Variants in ULK4 observed in about 807,000 individuals in gnomAD.
ULK4 encodes the protein unc-51 like kinase 4, also known as inactive serine/threonine-protein kinase ULK4.
In ULK4, 133 loss-of-function variants were observed where a neutral mutation model predicts 160.6. The observed-to-expected ratio is 0.83, with a 90% CI of 0.72 to 0.96. The LOEUF is 0.96. Among genes scored for constraint, ULK4 ranks in the 40% least tolerant of loss-of-function variants. The pLI is 0.00. For synonymous variants in ULK4, 534 were observed against 539.8 expected, an observed-to-expected ratio of 0.99 and a Z score of 0.15; for missense variants, 1,580 against 1,499.5, an observed-to-expected ratio of 1.05 and a Z score of -0.89.
intron 22 of ULK4, among the ~76,000 whole-genome samples, chr3:41,734,180 G>C (rs1343267650): frequency 6.6e-6 from 1 of 152,180 alleles, no homozygotes; most frequent in African/African-American, 2.4e-5. Flanking sequence ...GGTTGGGGCA[G>C]TCTAGACGGA....
chr3:41,854,687 G>A (rs941336593), intron 17 of ULK4, among the ~76,000 whole-genome samples: 4 of 152,058 alleles, frequency 2.6e-5, no homozygotes, highest in Non-Finnish European at 4.4e-5. Flanking sequence ...CTGCTTCATA[G>A]ACCTAGAGCT....
At chr3:41,463,735 C>G (rs2083752641) in intron 32 of ULK4, among the ~76,000 whole-genome samples, 1 of 152,138 alleles carries the variant, frequency 6.6e-6, no homozygotes, top group Admixed American at 6.6e-5. Context: ...TTAGAAATTA[C>G]CAGGTGCCAT....
At chr3:41,741,906 C>T (rs578234475) in intron 22 of ULK4, among the ~76,000 whole-genome samples, 33 of 151,906 alleles carry the variant, frequency 2.2e-4, no homozygotes, top group African/African-American at 8.0e-4. Flanking sequence ...CCTTCTTTAT[C>T]GCCTCTCATG....
At chr3:41,751,934 AG>A (rs939260465) in intron 22 of ULK4, among the ~76,000 whole-genome samples, 1 of 152,182 alleles carries the variant, frequency 6.6e-6, no homozygotes, top group African/African-American at 2.4e-5. Context: ...GCTCAAATGG[AG>A]TGTGCCCAAA....
intron 30 of ULK4, among the ~76,000 whole-genome samples, chr3:41,630,375 G>A (rs74735748): frequency 0.042 from 6,324 of 152,202 alleles, 287 homozygotes; most frequent in African/African-American, 0.11. Flanking sequence ...GCTGCTGCCA[G>A]CTAGGGATCT....
At position 41,726,425 on chromosome 3, in the gene ULK4, T is replaced by G. The variant is rs988618887; in HGVS notation, c.2322-8564A>C. On this transcript the variant is annotated intron_variant, in intron 22 of 36. Transcript: ENST00000301831. ...ACATTATTTTCTAAAAGAATTCACA[T>G]CTATAAAGGAGACAAAATGTGGAAA... 2.6e-5 allele frequency among the ~76,000 whole-genome samples: 4 copies of G among 152,172 alleles called. No individual in the cohort carries two copies. The East Asian group carries it at 7.7e-4, about 29-fold the overall frequency.
Position 41,705,521 on chromosome 3 carries a change from C to T in ULK4, c.2635-216G>A, listed in dbSNP as rs139555497. The stretch of plus-strand genomic sequence containing the variant: ...TAATCTCTTTTTTTTTTTGAGACAG[C>T]GTTTTGTTCTTGTTGCCCAGGCTGG... On this transcript the variant is annotated intron_variant, in intron 25 of 36. Coordinates refer to ENST00000301831, the MANE Select transcript of ULK4 (RefSeq NM_017886.4). Among the ~76,000 whole-genome samples the T allele has an allele frequency of 6.0e-4, 90 of 150,354 alleles. 1 individual carries two copies. The East Asian group carries it at 0.015, about 26-fold the overall frequency.
intron 27 of ULK4, among the ~76,000 whole-genome samples, chr3:41,684,753 T>C (rs1334442516): frequency 3.3e-5 from 5 of 152,232 alleles, no homozygotes; most frequent in African/African-American, 1.2e-4. Flanking sequence ...TATAAAAACC[T>C]GAAAAATTAC....
chr3:41,504,511 T>C (rs2085314698), intron 32 of ULK4, among the ~76,000 whole-genome samples: 1 of 152,224 alleles, frequency 6.6e-6, no homozygotes. Context: ...ATTTTGAATT[T>C]CATTTTCCAT....
intron 32 of ULK4, among the ~76,000 whole-genome samples, chr3:41,504,371 T>G (rs944923757): frequency 5.3e-5 from 8 of 152,188 alleles, no homozygotes; most frequent in Admixed American, 1.3e-4. Flanking sequence ...GAATAGCAGC[T>G]GAAATTAGTT....
intron 21 of ULK4, among the ~76,000 whole-genome samples, chr3:41,760,288 T>G (rs2038944142): frequency 6.6e-6 from 1 of 152,184 alleles, no homozygotes; most frequent in Non-Finnish European, 1.5e-5. Context: ...GTAGAGCAAC[T>G]GAAGTTTTTC....
At chr3:41,301,564 C>A (rs1045195552) in intron 35 of ULK4, among the ~76,000 whole-genome samples, 1 of 152,188 alleles carries the variant, frequency 6.6e-6, no homozygotes, top group Non-Finnish European at 1.5e-5. Context: ...TCATTATTTT[C>A]TACAGAGACA....
At chr3:41,768,773 T>G (rs1236220374) in intron 21 of ULK4, among the ~76,000 whole-genome samples, 1 of 152,096 alleles carries the variant, frequency 6.6e-6, no homozygotes, top group African/African-American at 2.4e-5. Flanking sequence ...AAAATATAAC[T>G]TAAGTATATA....
intron 2 of ULK4, among the ~76,000 whole-genome samples, chr3:41,944,105 C>T (rs1046383688): frequency 6.6e-6 from 1 of 152,156 alleles, no homozygotes; most frequent in Non-Finnish European, 1.5e-5. Flanking sequence ...TTCAACGTAA[C>T]CCCGTGGCAC....
At chr3:41,327,201 C>G (rs184771956) in intron 35 of ULK4, among the ~76,000 whole-genome samples, 26 of 152,240 alleles carry the variant, frequency 1.7e-4, no homozygotes, top group Admixed American at 1.2e-3. Flanking sequence ...GATCTAGAAC[C>G]TTCTCCATTT....
chr3:41,635,719 A>G (rs2033926390), intron 30 of ULK4, among the ~76,000 whole-genome samples: 1 of 152,210 alleles, frequency 6.6e-6, no homozygotes, highest in African/African-American at 2.4e-5. Context: ...AGAGGAAGAC[A>G]CTGAGCCATA....
rs1363668736 is a variant in ULK4, at chr3:41,486,956, A to G, written c.3227-23703T>C. On this transcript the variant is annotated intron_variant, in intron 32 of 36. Coordinates refer to ENST00000301831, the MANE Select transcript of ULK4 (RefSeq NM_017886.4). ...CAATAAAGAAAGGAAATAAGCTGACAATACCCGAAACAAATCGTTAAAATT... is the reference window on the plus strand; with the variant it reads ...CAATAAAGAAAGGAAATAAGCTGACGATACCCGAAACAAATCGTTAAAATT... 4.6e-5 allele frequency among the ~76,000 whole-genome samples: 7 copies of G among 152,336 alleles called. No homozygotes were observed. In the East Asian group the frequency reaches 9.6e-4, roughly 21 times the overall value.
At chr3:41,732,269 T>A (rs1193410061) in intron 22 of ULK4, among the ~76,000 whole-genome samples, 3 of 151,374 alleles carry the variant, frequency 2.0e-5, no homozygotes, top group East Asian at 3.9e-4. Flanking sequence ...TTCAACTCAA[T>A]AGCAAAAGAA....
At chr3:41,680,644 ATCAT>A (rs963451292) in intron 29 of ULK4, among the ~76,000 whole-genome samples, 1 of 152,160 alleles carries the variant, frequency 6.6e-6, no homozygotes, top group African/African-American at 2.4e-5. Context: ...CTTTACTATG[ATCAT>A]TAATTTTTTT....
Sources: gnomAD v4.1 joint callset for allele counts (sites outside exome capture counted in the v4.1 genomes callset) on GRCh38, gnomAD v4.1.1 for gene constraint, MANE v1.5 for transcripts, NCBI Gene and HGNC (gene_info 2026-07-23, HGNC 2026-07-21) for gene names.